SLC15A5: variants seen among roughly 807,000 people sequenced by gnomAD.
SLC15A5 encodes the protein solute carrier family 15 member 5, also known as Peptide/histidine transporter ENSP00000340402.
In SLC15A5, 58 loss-of-function variants were observed where a neutral mutation model predicts 56.1. That is an observed-to-expected ratio of 1.03 (90% CI 0.84 to 1.29). SLC15A5 has a LOEUF of 1.29. Ranked by LOEUF, SLC15A5 falls within the 50% of genes most tolerant of loss-of-function variation. SLC15A5 has a pLI of 0.00. For synonymous variants in SLC15A5, 264 were observed against 250.5 expected (o/e 1.05, Z -0.51); for missense variants, 681 against 672.1 (o/e 1.01, Z -0.15).
At position 16,272,655 on chromosome 12, in the gene SLC15A5, G is replaced by GGCAAATGGTCAGCAGTGCTACATAAAACA. The variant is rs1864772603; in HGVS notation, c.461_489dup (p.Leu164CysfsTer4). ...ATGGCTCTTACGCCTCCAATGCCAA[G>GGCAAATGGTCAGCAGTGCTACATAAAACA]GCAAATGGTCAGCAGTGCTACATAA... On this transcript the variant is annotated stop_gained and frameshift_variant, in exon 2 of 9. Transcript: ENST00000344941. LOFTEE classifies it high-confidence loss of function. 2.0e-6 allele frequency: 3 copies of GGCAAATGGTCAGCAGTGCTACATAAAACA among 1,537,078 alleles called. No homozygotes were observed. The highest frequency in any genetic ancestry group is 2.6e-6 in the Non-Finnish European group (3 of 1,146,744).
intron 7 of SLC15A5, among the ~76,000 whole-genome samples, chr12:16,211,534 C>G (rs1864081049): frequency 1.3e-5 from 2 of 152,032 alleles, no homozygotes; most frequent in South Asian, 4.2e-4. Context: ...TCGGATCTTT[C>G]AATCGCCTGC....
chr12:16,189,645 G>T lies in SLC15A5; in HGVS notation c.*23C>A. On this transcript the variant is annotated 3_prime_UTR_variant, in exon 9 of 9. Coordinates refer to ENST00000344941, the MANE Select transcript of SLC15A5 (RefSeq NM_001170798.1). The stretch of plus-strand genomic sequence containing the variant: ...AAAACAATGAATACTGTTCTCATAA[G>T]ACAGGTAGACTCAAACACAGTTTCA... 6.9e-7 allele frequency: 1 copy of T among 1,455,716 alleles called. No homozygotes were observed. The highest frequency in any genetic ancestry group is 1.5e-5 in the South Asian group (1 of 68,114). 90.2% of individuals were successfully genotyped at this position (1,455,716 alleles called of 1,614,324 possible).
intron 5 of SLC15A5, among the ~76,000 whole-genome samples, chr12:16,236,583 T>C (rs1213542141): frequency 6.6e-6 from 1 of 152,214 alleles, no homozygotes; most frequent in Non-Finnish European, 1.5e-5. Flanking sequence ...ATTTTTTCTT[T>C]ATAAATTTCT....
chr12:16,210,109 C>G (rs1440348098), intron 7 of SLC15A5, among the ~76,000 whole-genome samples: 4 of 152,128 alleles, frequency 2.6e-5, no homozygotes, highest in Admixed American at 1.3e-4. Flanking sequence ...ATGCACCTAT[C>G]AATTCTTTAT....
At chr12:16,195,587 T>G (rs1195752993) in intron 7 of SLC15A5, among the ~76,000 whole-genome samples, 1 of 152,052 alleles carries the variant, frequency 6.6e-6, no homozygotes, top group Non-Finnish European at 1.5e-5. Flanking sequence ...CTTGCCTTTT[T>G]ATAGGAACAA....
intron 7 of SLC15A5, among the ~76,000 whole-genome samples, chr12:16,194,965 C>T (rs763376069): frequency 2.6e-4 from 40 of 152,094 alleles, no homozygotes; most frequent in Non-Finnish European, 4.9e-4. Context: ...CCAGGGCTAC[C>T]TTATGATAAT....
intron 5 of SLC15A5, among the ~76,000 whole-genome samples, chr12:16,229,660 A>ACACT (rs1261427924): frequency 2.6e-5 from 4 of 151,648 alleles, no homozygotes; most frequent in Non-Finnish European, 4.4e-5. Context: ...ACACACACAC[A>ACACT]CACACACACA....
chr12:16,201,048 TA>T (rs1183603095), intron 7 of SLC15A5, among the ~76,000 whole-genome samples: 1 of 152,182 alleles, frequency 6.6e-6, no homozygotes, highest in African/African-American at 2.4e-5. Flanking sequence ...TATGCTATTT[TA>T]CAGTCAAAAC....
intron 2 of SLC15A5, among the ~76,000 whole-genome samples, chr12:16,270,366 T>C (rs923346342): frequency 7.9e-5 from 12 of 152,296 alleles, no homozygotes; most frequent in African/African-American, 2.6e-4. Flanking sequence ...GTATGTTGTT[T>C]TTTAAAGGCA....
intron 2 of SLC15A5, among the ~76,000 whole-genome samples, chr12:16,270,042 A>G (rs1864734402): frequency 6.6e-6 from 1 of 152,184 alleles, no homozygotes; most frequent in Admixed American, 6.5e-5. Flanking sequence ...ATGTTGGCAG[A>G]TTATTATGTC....
chr12:16,236,934 G>C (rs7965574), intron 5 of SLC15A5, among the ~76,000 whole-genome samples: 26,363 of 152,090 alleles, frequency 0.17, 2,537 homozygotes, highest in Middle Eastern at 0.22. Flanking sequence ...ATAAAGTTAT[G>C]CCCTTAAAAT....
chr12:16,265,613 G>T (rs1864686542), intron 2 of SLC15A5, among the ~76,000 whole-genome samples: 1 of 152,032 alleles, frequency 6.6e-6, no homozygotes, highest in South Asian at 2.1e-4. Context: ...CGAGTAGCTG[G>T]CACCACAGGT....
At chr12:16,252,501 T>TA (rs1162637042) in intron 3 of SLC15A5, among the ~76,000 whole-genome samples, 5 of 152,074 alleles carry the variant, frequency 3.3e-5, no homozygotes, top group African/African-American at 1.2e-4. Context: ...GTTGCATTTC[T>TA]ATAATTAACG....
chr12:16,242,554 C>T (rs535803135), intron 4 of SLC15A5, among the ~76,000 whole-genome samples: 21 of 152,268 alleles, frequency 1.4e-4, no homozygotes, highest in African/African-American at 4.8e-4. Context: ...GATTAAATTA[C>T]GTACTGTGAA....
At chr12:16,253,819 T>C (rs1480914465) in intron 3 of SLC15A5, among the ~76,000 whole-genome samples, 1 of 152,144 alleles carries the variant, frequency 6.6e-6, no homozygotes, top group Non-Finnish European at 1.5e-5. Flanking sequence ...GTAACCCTTG[T>C]GCACTGTTGG....
chr12:16,237,155 C>G lies in SLC15A5; in HGVS notation c.1162+2526G>C, dbSNP rs1050024460. ...AGTGAAAGGTAACTTTAATATTAGA[C>G]TAATTCAGTTATGTAAATTAGTATC... On this transcript the variant is annotated intron_variant, in intron 5 of 8. Transcript: ENST00000344941. This position sits in a 1 kb window ranked among gnomAD's most constrained non-coding sequence, Gnocchi z 4.1. 6.6e-6 allele frequency among the ~76,000 whole-genome samples: 1 copy of G among 152,142 alleles called. No individual in the cohort carries two copies. Among genetic ancestry groups the G allele is most frequent in the African/African-American group, 2.4e-5 (1 of 41,434 alleles).
At chr12:16,228,902 G>A (rs988000844) in intron 5 of SLC15A5, among the ~76,000 whole-genome samples, 5 of 152,034 alleles carry the variant, frequency 3.3e-5, no homozygotes, top group South Asian at 4.2e-4. Flanking sequence ...AAGTTTGCAG[G>A]GGGTGAAAAG....
rs149909721 is a variant in SLC15A5, at chr12:16,231,448, A to C, written c.1163-6846T>G. The stretch of plus-strand genomic sequence containing the variant: ...AATAAATGAGGGAGCTACAATCTAA[A>C]CTGACAGCTGAGTGAGAGACTGAAG... On this transcript the variant is annotated intron_variant, in intron 5 of 8. Transcript: ENST00000344941. Among the ~76,000 whole-genome samples the C allele has an allele frequency of 1.5e-4, 23 of 152,346 alleles. 1 individual carries two copies. Among genetic ancestry groups the C allele is most frequent in the Admixed American group, 1.5e-3 (23 of 15,296 alleles).
At chr12:16,231,304 G>C (rs1864295561) in intron 5 of SLC15A5, among the ~76,000 whole-genome samples, 1 of 152,030 alleles carries the variant, frequency 6.6e-6, no homozygotes, top group Non-Finnish European at 1.5e-5. Flanking sequence ...TCTCATTCTA[G>C]TTAAATGATG....
Sources: allele counts gnomAD v4.1 joint callset (sites outside exome capture counted in the v4.1 genomes callset), GRCh38; gene constraint gnomAD v4.1.1; non-coding constraint Gnocchi (gnomAD v3.1); transcripts MANE v1.5; gene names NCBI Gene and HGNC (gene_info 2026-07-23, HGNC 2026-07-21).